The following BANP variants were observed in gnomAD, a reference collection of about 807,000 sequenced individuals.
BANP encodes the protein protein BANP.
A neutral mutation model predicts 68.1 loss-of-function variants in BANP; 11 were observed. The ratio of observed to expected loss-of-function variants is 0.16; its 90% CI spans 0.10 to 0.27. The LOEUF (loss-of-function observed/expected upper bound fraction) is 0.27. Among genes scored for constraint, BANP ranks in the 10% least tolerant of loss-of-function variants. BANP has a pLI of 1.00. For missense variants in BANP, 504 were observed against 722.7 expected (o/e 0.70, Z 3.47); for synonymous variants, 329 against 303.2 (o/e 1.09, Z -0.88).
At chr16:88,058,703 C>A (rs2085832281) in intron 11 of BANP, among the ~76,000 whole-genome samples, 3 of 149,322 alleles carry the variant, frequency 2.0e-5, no homozygotes, top group Admixed American at 6.7e-5. Flanking sequence ...GTATCTGAGA[C>A]CATGGGACTG....
At chr16:87,958,976 G>C (rs1372472986) in intron 1 of BANP, among the ~76,000 whole-genome samples, 1 of 152,226 alleles carries the variant, frequency 6.6e-6, no homozygotes, top group Non-Finnish European at 1.5e-5. Context: ...GCGGCGCCTT[G>C]GCAGTGAGGG....
rs1310643572 is a variant in BANP at position 88,020,408 on chromosome 16, A to C, written c.895+1741A>C. On this transcript the variant is annotated intron_variant, in intron 7 of 13. Coordinates refer to ENST00000682872, the MANE Select transcript of BANP (RefSeq NM_001386991.1). ...GACCACGTGATGTGCTTCCAGCTTG[A>C]AACCCGGGGGTTGCTTCGTGCTGGT... is the stretch of plus-strand genomic sequence containing the variant. Among the ~76,000 whole-genome samples the C allele has an allele frequency of 3.9e-5, 6 of 152,326 alleles. No individual in the cohort carries two copies. The East Asian group carries it at 1.2e-3, about 29-fold the overall frequency.
chr16:87,985,328 G>A (rs1409665225), intron 4 of BANP, among the ~76,000 whole-genome samples: 1 of 152,210 alleles, frequency 6.6e-6, no homozygotes, highest in East Asian at 1.9e-4. Flanking sequence ...GTTCGCAGGC[G>A]GGAGCTGGGG....
chr16:87,956,032 G>A (rs1480743510), intron 1 of BANP, among the ~76,000 whole-genome samples: 1 of 152,128 alleles, frequency 6.6e-6, no homozygotes, highest in Non-Finnish European at 1.5e-5. Flanking sequence ...GAGGGAGTAG[G>A]GGTTTGGGGG....
intron 10 of BANP, 169 bp from the exon 11 acceptor site, chr16:88,037,804 A>G: frequency 1.6e-6 from 1 of 639,754 alleles, no homozygotes; most frequent in Non-Finnish European, 2.8e-6. Flanking sequence ...TAGAAATGTC[A>G]ATATTTTGTT....
rs139628930 is a variant in BANP at position 87,987,530 on chromosome 16, C to T, written c.362+3271C>T. On this transcript the variant is annotated intron_variant, in intron 4 of 13. Transcript: ENST00000682872. ...CTTGAACCCAAGAGTTCCAGACCAGCGTGGGCAACGTAGTGAGACCCCCAT... is the reference window on the plus strand; with the variant it reads ...CTTGAACCCAAGAGTTCCAGACCAGTGTGGGCAACGTAGTGAGACCCCCAT... 6.5e-4 allele frequency among the ~76,000 whole-genome samples: 99 copies of T among 151,314 alleles called. No homozygotes were observed. The East Asian group carries it at 9.5e-3, about 15-fold the overall frequency.
intron 8 of BANP, among the ~76,000 whole-genome samples, chr16:88,031,940 G>A (rs2078272302): frequency 6.6e-6 from 1 of 151,788 alleles, no homozygotes; most frequent in Admixed American, 6.6e-5. Context: ...AAGTAGTTGG[G>A]ACTACAGACG....
rs1423906757 is a variant in BANP, at chr16:88,002,566, C to G, written c.363-1729C>G. ...AGTCATCTTTAGGCAACAGGACATT[C>G]TGGAAGGTGGGGATCTGGAGACTGC... On this transcript the variant is annotated intron_variant, in intron 4 of 13. Coordinates refer to ENST00000682872, the MANE Select transcript of BANP (RefSeq NM_001386991.1). The surrounding 1 kb of genome is among the most constrained non-coding windows in gnomAD (Gnocchi z 4.6). Among the ~76,000 whole-genome samples the G allele has an allele frequency of 6.6e-6, 1 of 152,108 alleles. No homozygotes were observed. The highest frequency in any genetic ancestry group is 1.5e-5 in the Non-Finnish European group (1 of 68,026).
At chr16:88,055,374 C>T (rs996953065) in intron 11 of BANP, among the ~76,000 whole-genome samples, 3 of 151,984 alleles carry the variant, frequency 2.0e-5, no homozygotes, top group African/African-American at 7.3e-5. Context: ...AGTGACGGAT[C>T]CAGGGCGTTC....
chr16:87,990,884 T>G (rs2065738157), intron 4 of BANP, among the ~76,000 whole-genome samples: 1 of 152,178 alleles, frequency 6.6e-6, no homozygotes, highest in Non-Finnish European at 1.5e-5. Context: ...TGCTTCAGCC[T>G]CCCCACTAGC....
At chr16:88,013,154 T>C (rs1225724960) in intron 6 of BANP, among the ~76,000 whole-genome samples, 1 of 152,226 alleles carries the variant, frequency 6.6e-6, no homozygotes, top group African/African-American at 2.4e-5. Flanking sequence ...CCTAGAGCGT[T>C]TGCCTCCATT....
At chr16:88,075,513 A>C (rs2091408730) in intron 13 of BANP, among the ~76,000 whole-genome samples, 1 of 152,132 alleles carries the variant, frequency 6.6e-6, no homozygotes, top group Non-Finnish European at 1.5e-5. Context: ...TAAAAAATAA[A>C]ATGAAGCAGG....
At chr16:88,061,332 TAAAACGTTGGA>T (rs1476606396) in intron 11 of BANP, among the ~76,000 whole-genome samples, 1 of 152,226 alleles carries the variant, frequency 6.6e-6, no homozygotes, top group East Asian at 1.9e-4. Context: ...GACGATTGTC[TAAAACGTTGGA>T]TCAGTTGACT....
chr16:88,018,975 AGAG>A lies in BANP; in HGVS notation c.895+318_895+320del, dbSNP rs569197291. Among the ~76,000 whole-genome samples, 4 of 152,126 alleles carry A rather than the reference AGAG, an allele frequency of 2.6e-5. No individual in the cohort carries two copies. Among genetic ancestry groups the A allele is most frequent in the East Asian group, 1.9e-4 (1 of 5,202 alleles). On this transcript the variant is annotated intron_variant, in intron 7 of 13. Transcript: ENST00000682872. The surrounding 1 kb of genome is among the most constrained non-coding windows in gnomAD (Gnocchi z 7.7). ...TCTGTAGGCCACTCTTGAGGAAGAG[AGAG>A]GAGGAGGAGAGCCGGGGCCTTCCCT...
Position 88,002,654 on chromosome 16 carries a change from T to G in BANP, c.363-1641T>G, listed in dbSNP as rs1680409765. On this transcript the variant is annotated intron_variant, in intron 4 of 13. Coordinates refer to ENST00000682872, the MANE Select transcript of BANP (RefSeq NM_001386991.1). This position sits in a 1 kb window ranked among gnomAD's most constrained non-coding sequence, Gnocchi z 4.6. ...AGCTGTGGGGCACCCGAGGGGCACA[T>G]TATTCCAGTTGGGAGCTGGTTGTCT... is the stretch of plus-strand genomic sequence containing the variant. Among the ~76,000 whole-genome samples, 1 of 152,158 alleles carries G rather than the reference T, an allele frequency of 6.6e-6. No individual in the cohort carries two copies. Among genetic ancestry groups the G allele is most frequent in the South Asian group, 2.1e-4 (1 of 4,820 alleles).
intron 7 of BANP, among the ~76,000 whole-genome samples, chr16:88,019,190 G>T (rs535757057): frequency 9.8e-5 from 15 of 152,294 alleles, no homozygotes; most frequent in Admixed American, 2.6e-4. Flanking sequence ...GGCCTGTGAC[G>T]TCTCCGTCCC....
intron 11 of BANP, among the ~76,000 whole-genome samples, chr16:88,051,113 G>A (rs1033964673): frequency 4.6e-5 from 7 of 152,338 alleles, no homozygotes; most frequent in African/African-American, 1.7e-4. Context: ...CCAAGCTGTT[G>A]ACCGCAGCAC....
chr16:88,041,746 C>T (rs1244250338), intron 11 of BANP, among the ~76,000 whole-genome samples: 10 of 152,232 alleles, frequency 6.6e-5, no homozygotes, highest in Non-Finnish European at 1.2e-4. Flanking sequence ...GGGTTGCAGG[C>T]AGGATGGGAC....
At chr16:87,981,689 T>A (rs190901583) in intron 3 of BANP, among the ~76,000 whole-genome samples, 2 of 152,346 alleles carry the variant, frequency 1.3e-5, no homozygotes, top group Non-Finnish European at 1.5e-5. Context: ...ATTGTTTACC[T>A]TGAGATGCTG....
Sources: allele counts gnomAD v4.1 joint callset (sites outside exome capture counted in the v4.1 genomes callset), GRCh38; gene constraint gnomAD v4.1.1; non-coding constraint Gnocchi (gnomAD v3.1); transcripts MANE v1.5; gene names NCBI Gene and HGNC (gene_info 2026-07-23, HGNC 2026-07-21).